FSIP1: variants seen among roughly 807,000 people sequenced by gnomAD.
FSIP1 encodes the protein fibrous sheath interacting protein 1.
A neutral mutation model predicts 60.9 loss-of-function variants in FSIP1; 65 were observed. The ratio of observed to expected loss-of-function variants is 1.07; its 90% CI spans 0.87 to 1.31. The LOEUF is 1.31. FSIP1 is among the 40% of genes most tolerant of loss of function. FSIP1 has a pLI of 0.00. For missense variants in FSIP1, 675 were observed against 665.5 expected, an observed-to-expected ratio of 1.01 and a Z score of -0.16; for synonymous variants, 209 against 221.2, an observed-to-expected ratio of 0.94 and a Z score of 0.49.
chr15:39,689,459 C>A (rs1007281990), intron 10 of FSIP1, among the ~76,000 whole-genome samples: 2 of 152,132 alleles, frequency 1.3e-5, no homozygotes, highest in Non-Finnish European at 2.9e-5. Flanking sequence ...TTTCCAGTGA[C>A]CAGCCTTCAT....
chr15:39,694,797 AT>A (rs1566888596), intron 10 of FSIP1, among the ~76,000 whole-genome samples: 3 of 152,106 alleles, frequency 2.0e-5, no homozygotes, highest in Admixed American at 6.5e-5. Context: ...CTCAAAAAAA[AT>A]AAACAAACAA....
intron 9 of FSIP1, 70 bp downstream of exon 9, chr15:39,726,513 TAACAAC>T: frequency 6.6e-7 from 1 of 1,511,498 alleles, no homozygotes; most frequent in Admixed American, 1.7e-5. Context: ...AGCAACTGGT[TAACAAC>T]CAGATTGTAA....
chr15:39,606,571 A>T (rs533507221), intron 11 of FSIP1, among the ~76,000 whole-genome samples: 2 of 152,180 alleles, frequency 1.3e-5, no homozygotes, highest in African/African-American at 4.8e-5. Context: ...CTATAAAGCT[A>T]TAATTTTGTA....
chr15:39,617,745 A>G lies in FSIP1; in HGVS notation c.1689T>C (p.Asn563=). ...DQHLKLSSPE[N]TIADEQETKD... ...TTCGCCAAGCCTCACCTGCTATTGT[A>G]TTCTCTGGAGAACTGAGTTTCAGAT... Residue 563 remains asparagine, a synonymous_variant, in exon 11 of 12, where the codon AAT becomes AAC. Transcript: ENST00000350221. The G allele has an allele frequency of 5.0e-6, 8 of 1,612,296 alleles. No homozygotes were observed. Among genetic ancestry groups the G allele is most frequent in the South Asian group, 1.1e-5 (1 of 90,912 alleles).
chr15:39,724,405 C>T (rs1232272505), intron 9 of FSIP1, among the ~76,000 whole-genome samples: 1 of 152,096 alleles, frequency 6.6e-6, no homozygotes, highest in Non-Finnish European at 1.5e-5. Flanking sequence ...GCACCCGCCA[C>T]CACGCCCAGC....
chr15:39,618,364 T>C lies in FSIP1; in HGVS notation c.1189-119A>G. ...TAACCCCTTACACAACACATAAAAA[T>C]AGAAAAATAATTCATTGTAAAGTAT... On this transcript the variant is annotated intron_variant, in intron 10 of 11. Coordinates refer to ENST00000350221, the MANE Select transcript of FSIP1 (RefSeq NM_152597.5). The C allele has an allele frequency of 8.0e-6, 6 of 750,832 alleles. No homozygotes were observed. The South Asian group carries it at 1.2e-4, about 15-fold the overall frequency. 46.5% of individuals were successfully genotyped at this position (750,832 alleles called of 1,614,324 possible).
At chr15:39,602,474 A>G in intron 11 of FSIP1, 1 of 429,588 alleles carries the variant, frequency 2.3e-6, no homozygotes, top group Middle Eastern at 7.6e-4. Context: ...ATACAAATAT[A>G]TGAATTATAT....
intron 5 of FSIP1, among the ~76,000 whole-genome samples, chr15:39,755,481 A>G (rs1897273795): frequency 6.6e-6 from 1 of 152,158 alleles, no homozygotes; most frequent in African/African-American, 2.4e-5. Context: ...TGAAGCACAT[A>G]GTAATAGTTT....
intron 10 of FSIP1, among the ~76,000 whole-genome samples, chr15:39,696,960 T>TGTGAATAG (rs1894846766): frequency 6.7e-6 from 1 of 150,372 alleles, no homozygotes; most frequent in South Asian, 2.1e-4. Flanking sequence ...TTGGGGTATG[T>TGTGAATAG]GTGAATAGGG....
At chr15:39,708,971 T>A (rs1052357166) in intron 10 of FSIP1, among the ~76,000 whole-genome samples, 3 of 152,196 alleles carry the variant, frequency 2.0e-5, no homozygotes, top group African/African-American at 7.2e-5. Context: ...AATAGCTAAA[T>A]CCACTGATGC....
chr15:39,760,210 T>G (rs1032577552), intron 5 of FSIP1, among the ~76,000 whole-genome samples: 1 of 152,166 alleles, frequency 6.6e-6, no homozygotes, highest in Admixed American at 6.5e-5. Flanking sequence ...AGTTATCTAT[T>G]GTTGGATTAC....
chr15:39,720,899 A>G (rs929880675), intron 9 of FSIP1, among the ~76,000 whole-genome samples: 31 of 152,254 alleles, frequency 2.0e-4, no homozygotes, highest in African/African-American at 7.2e-4. Flanking sequence ...AATAAAAAGC[A>G]GATGTAAAAA....
chr15:39,685,423 T>A (rs76090739), intron 10 of FSIP1, among the ~76,000 whole-genome samples: 3,092 of 152,074 alleles, frequency 0.02, 109 homozygotes, highest in African/African-American at 0.071. Flanking sequence ...TTCCTATAAA[T>A]CCCCCCGCCA....
At chr15:39,609,786 C>T (rs951901257) in intron 11 of FSIP1, among the ~76,000 whole-genome samples, 2 of 152,240 alleles carry the variant, frequency 1.3e-5, no homozygotes, top group South Asian at 4.1e-4. Context: ...CAGAGCCCAG[C>T]CAGTAGCTCC....
intron 7 of FSIP1, 120 bp downstream of exon 7, chr15:39,739,545 T>C (rs1396118912): frequency 2.2e-6 from 2 of 922,364 alleles, no homozygotes; most frequent in Admixed American, 2.7e-5. Flanking sequence ...TATCTACTAA[T>C]TCAATCATTT....
chr15:39,624,883 A>G (rs1401288150), intron 10 of FSIP1, among the ~76,000 whole-genome samples: 1 of 152,228 alleles, frequency 6.6e-6, no homozygotes, highest in Non-Finnish European at 1.5e-5. Flanking sequence ...AACCACCATC[A>G]AGAGTGAGGG....
chr15:39,780,930 G>A (rs1898242779), intron 1 of FSIP1, among the ~76,000 whole-genome samples: 1 of 152,012 alleles, frequency 6.6e-6, no homozygotes, highest in Non-Finnish European at 1.5e-5. Flanking sequence ...CTGTGGGTTA[G>A]GCAAAAATTT....
intron 8 of FSIP1, 140 bp from the exon 9 acceptor site, chr15:39,726,887 G>T: frequency 1.7e-6 from 1 of 594,226 alleles, no homozygotes; most frequent in South Asian, 2.3e-5. Flanking sequence ...CACACAAACA[G>T]AATTAACATT....
intron 10 of FSIP1, among the ~76,000 whole-genome samples, chr15:39,710,443 A>G (rs921666432): frequency 5.2e-3 from 576 of 110,764 alleles, no homozygotes; most frequent in African/African-American, 0.017. Context: ...CTGTCTCAGA[A>G]AAAAAAAAAA....
Sources: allele counts gnomAD v4.1 joint callset (sites outside exome capture counted in the v4.1 genomes callset), GRCh38; gene constraint gnomAD v4.1.1; transcripts MANE v1.5; gene names NCBI Gene and HGNC (gene_info 2026-07-23, HGNC 2026-07-21).